The following TRIP4 variants were observed in gnomAD, a reference collection of about 807,000 sequenced individuals.
TRIP4 encodes the protein thyroid hormone receptor interactor 4, also known as activating signal cointegrator 1.
TRIP4 carries 54 observed loss-of-function variants against 81.8 expected under a neutral mutation model. The observed-to-expected ratio is 0.66, with a 90% confidence interval of 0.53 to 0.83. TRIP4 has a LOEUF of 0.83. Ranked by LOEUF, TRIP4 falls within the 40% of genes least tolerant of loss-of-function variation. TRIP4 has a pLI of 0.00. For missense variants in TRIP4, 662 were observed against 683.6 expected, an observed-to-expected ratio of 0.97 and a Z score of 0.35; for synonymous variants, 270 against 242.8, an observed-to-expected ratio of 1.11 and a Z score of -1.04.
At position 64,418,618 on chromosome 15, in the gene TRIP4, T is replaced by C; in HGVS notation, c.1248T>C (p.Phe416=). The change falls in exon 9 of 13, where the codon TTT becomes TTC. Residue 416 remains phenylalanine, a synonymous_variant. Transcript: ENST00000261884. ...GATTTGGACTAGAGTTCAACTCATT[T>C]CAGCACCAGTTGCGAATCCAGGATC... ...SSGFGLEFNS[F]QHQLRIQDQE... 1 of 1,613,886 alleles carries C rather than the reference T, an allele frequency of 6.2e-7. No individual in the cohort carries two copies. The highest frequency in any genetic ancestry group is 1.3e-5 in the African/African-American group (1 of 75,042).
At chr15:64,417,424 A>G (rs1301029471) in intron 8 of TRIP4, among the ~76,000 whole-genome samples, 1 of 152,120 alleles carries the variant, frequency 6.6e-6, no homozygotes, top group Non-Finnish European at 1.5e-5. Context: ...GTGAAGCTAC[A>G]GGCATGCTTC....
Position 64,409,774 on chromosome 15 carries a change from T to G in TRIP4, c.989T>G (p.Phe330Cys). 1 of 1,614,162 alleles carries G rather than the reference T, an allele frequency of 6.2e-7. No homozygotes were observed. Among genetic ancestry groups the G allele is most frequent in the Non-Finnish European group, 8.5e-7 (1 of 1,180,046 alleles). Residue 330 changes from phenylalanine to cysteine, a missense_variant, in exon 7 of 13, where the codon TTT becomes TGT. Coordinates refer to ENST00000261884, the MANE Select transcript of TRIP4 (RefSeq NM_016213.5). ...CTTTCTAAGAAGGTCACCATTGACT[T>G]TGCAGGAAGGAAGATCCTGGAAGAA... ...SRLSKKVTID[F>C]AGRKILEEEN...
chr15:64,425,766 G>T (rs1359182327), intron 11 of TRIP4, 135 bp downstream of exon 11: 1 of 597,544 alleles, frequency 1.7e-6, no homozygotes, highest in Admixed American at 3.5e-5. Context: ...ACCCAGCCTG[G>T]TGCATATAAA....
At position 64,424,039 on chromosome 15, in the gene TRIP4, G is replaced by T; in HGVS notation, c.1367G>T (p.Gly456Val). 6.2e-7 allele frequency: 1 copy of T among 1,613,986 alleles called. No individual in the cohort carries two copies. Among genetic ancestry groups the T allele is most frequent in the African/African-American group, 1.3e-5 (1 of 74,984 alleles). The change falls in exon 10 of 13, where the codon GGC (glycine) becomes GTC (valine). Residue 456 changes from glycine (G) to valine (V), a missense_variant. Gly to Val is a moderately radical substitution (Grantham distance 109). Coordinates refer to ENST00000261884, the MANE Select transcript of TRIP4 (RefSeq NM_016213.5). ...ATTTCTATTTGTTTAAGGGTGGAGG[G>T]CAGATCCTGGTACACCCCCCACAGA... ...LLVRGIKRVE[G>V]RSWYTPHRGR...
At chr15:64,428,763 C>G (rs1892205341) in intron 11 of TRIP4, among the ~76,000 whole-genome samples, 1 of 151,984 alleles carries the variant, frequency 6.6e-6, no homozygotes, top group African/African-American at 2.4e-5. Context: ...CACATACCAC[C>G]ACACCTGGCC....
intron 7 of TRIP4, among the ~76,000 whole-genome samples, chr15:64,412,514 T>C (rs1891788671): frequency 1.3e-5 from 2 of 151,488 alleles, no homozygotes; most frequent in African/African-American, 4.9e-5. Context: ...ATTCATCATC[T>C]ATACGGCTTT....
intron 11 of TRIP4, among the ~76,000 whole-genome samples, chr15:64,426,337 T>C (rs1395900698): frequency 6.6e-6 from 1 of 152,074 alleles, no homozygotes; most frequent in African/African-American, 2.4e-5. Flanking sequence ...TGTGTATTTA[T>C]GTATGAATGT....
intron 11 of TRIP4, among the ~76,000 whole-genome samples, chr15:64,441,717 G>A (rs1180545421): frequency 6.6e-6 from 1 of 152,036 alleles, no homozygotes; most frequent in Admixed American, 6.5e-5. Context: ...AGCTTGCAGT[G>A]AGCCAAGATT....
intron 11 of TRIP4, among the ~76,000 whole-genome samples, chr15:64,428,803 G>A (rs945985607): frequency 9.2e-5 from 14 of 151,470 alleles, no homozygotes; most frequent in Non-Finnish European, 1.5e-4. Flanking sequence ...GTAGAAGCAG[G>A]GTTTCACCAT....
chr15:64,446,102 G>A (rs531579596), intron 12 of TRIP4, among the ~76,000 whole-genome samples: 28 of 151,882 alleles, frequency 1.8e-4, no homozygotes, highest in African/African-American at 6.8e-4. Context: ...GTAAAACCCC[G>A]TCTCTACTGA....
In TRIP4 at chr15:64,400,785, A is replaced by G. The variant is rs1259718379; in HGVS notation, c.661A>G (p.Asn221Asp). Reference sequence around the variant, plus strand: ...ACAAGATATTTTACAGCGTGACTCAAACAAGAGCCAGAAACTGCTAAAGAA... The same window carrying G: ...ACAAGATATTTTACAGCGTGACTCAGACAAGAGCCAGAAACTGCTAAAGAA... ...EEQDILQRDS[N>D]KSQKLLKKLM... is the part of the protein sequence containing the mutation. The change falls in exon 5 of 13, where the codon AAC becomes GAC. Residue 221 changes from asparagine (N) to aspartate (D), a missense_variant. Asn to Asp is a conservative substitution (Grantham distance 23). Transcript: ENST00000261884. 6.2e-7 allele frequency: 1 copy of G among 1,614,138 alleles called. No individual in the cohort carries two copies. The highest frequency in any genetic ancestry group is 2.2e-5 in the East Asian group (1 of 44,882).
intron 9 of TRIP4, among the ~76,000 whole-genome samples, chr15:64,422,646 A>T (rs1238162511): frequency 6.6e-6 from 1 of 152,238 alleles, no homozygotes; most frequent in Non-Finnish European, 1.5e-5. Flanking sequence ...AGAAAACTAA[A>T]CAACTTGCCT....
At chr15:64,449,301 T>G (rs978261711) in intron 12 of TRIP4, among the ~76,000 whole-genome samples, 17 of 151,582 alleles carry the variant, frequency 1.1e-4, no homozygotes, top group African/African-American at 3.6e-4. Context: ...TTTTTTTTTT[T>G]TGTGGGATGT....
chr15:64,389,834 T>G (rs1885873849), intron 1 of TRIP4, among the ~76,000 whole-genome samples: 1 of 150,316 alleles, frequency 6.7e-6, no homozygotes, highest in Non-Finnish European at 1.5e-5. Context: ...CCCGAGCAGC[T>G]GGGATTACAG....
intron 4 of TRIP4, among the ~76,000 whole-genome samples, chr15:64,398,595 C>T (rs1900364210): frequency 6.6e-6 from 1 of 152,170 alleles, no homozygotes; most frequent in African/African-American, 2.4e-5. Context: ...AGAAAGAACC[C>T]CAGGTTATAT....
intron 5 of TRIP4, among the ~76,000 whole-genome samples, chr15:64,402,659 G>T (rs1891537479): frequency 2.6e-5 from 4 of 151,836 alleles, no homozygotes; most frequent in Admixed American, 2.6e-4. Flanking sequence ...AAGTAGCTGG[G>T]ATTACAAGCG....
chr15:64,411,356 G>A (rs759211058), intron 7 of TRIP4, among the ~76,000 whole-genome samples: 3 of 152,202 alleles, frequency 2.0e-5, no homozygotes, highest in Non-Finnish European at 2.9e-5. Context: ...TGTAACAAAT[G>A]TACCACTCTG....
rs770677961 is a variant in TRIP4 at position 64,401,135 on chromosome 15, C to CT, written c.697+330dup. Among the ~76,000 whole-genome samples, 458 of 135,376 alleles carry CT rather than the reference C, an allele frequency of 3.4e-3. 1 individual carries two copies. Among genetic ancestry groups the CT allele is most frequent in the Middle Eastern group, 7.4e-3 (2 of 270 alleles). The allele number at this position is 135,376 out of a possible 152,430, so 88.8% of individuals were successfully genotyped here. A position where few individuals can be genotyped will look rare whatever the true frequency, so the allele number is the denominator to read the frequency against. ...TGCCACCACGCGTAGCTAATATTTACTTTTTTTTTTTTTTTTGAGATGGAG... is the reference window on the plus strand; with the variant it reads ...TGCCACCACGCGTAGCTAATATTTACTTTTTTTTTTTTTTTTTGAGATGGAG... On this transcript the variant is annotated intron_variant, in intron 5 of 12. Transcript: ENST00000261884.
intron 12 of TRIP4, among the ~76,000 whole-genome samples, chr15:64,454,115 G>GT (rs1022531583): frequency 0.045 from 6,112 of 137,328 alleles, 204 homozygotes; most frequent in Admixed American, 0.14. Flanking sequence ...AAGACTCCTT[G>GT]TTTTTTTTTT....
Sources: gnomAD v4.1 joint callset for allele counts (sites outside exome capture counted in the v4.1 genomes callset) on GRCh38, gnomAD v4.1.1 for gene constraint, MANE v1.5 for transcripts, NCBI Gene and HGNC (gene_info 2026-07-23, HGNC 2026-07-21) for gene names.